TAP1: variants seen among roughly 807,000 people sequenced by gnomAD.
The protein encoded by TAP1 is antigen peptide transporter 1.
Under a neutral mutation model 79.3 loss-of-function variants are expected in TAP1, and 56 were observed. That is an observed-to-expected ratio of 0.71 (90% CI 0.57 to 0.88). TAP1 has a LOEUF of 0.88. Among genes scored for constraint, TAP1 ranks in the 40% least tolerant of loss-of-function variants. The probability of loss-of-function intolerance (pLI) is 0.00; values close to 1 mark genes in which losing one functional copy is unlikely to be tolerated. For synonymous variants in TAP1, 355 were observed against 401.4 expected, an observed-to-expected ratio of 0.88 and a Z score of 1.38; for missense variants, 737 against 936.3, an observed-to-expected ratio of 0.79 and a Z score of 2.78.
At position 32,847,616 on chromosome 6, in the gene TAP1, G is replaced by A. The variant is rs1265805057; in HGVS notation, c.1800C>T (p.Ala600=). 6.2e-7 allele frequency: 1 copy of A among 1,613,942 alleles called. No individual in the cohort carries two copies. Among genetic ancestry groups the A allele is most frequent in the African/African-American group, 1.3e-5 (1 of 74,894 alleles). ...TAGTTGGCTTCTGGGTCAGGCCATAGGCAATATTTTCTTGAAGACTTCTTC... is the reference window on the plus strand; with the variant it reads ...TAGTTGGCTTCTGGGTCAGGCCATAAGCAATATTTTCTTGAAGACTTCTTC... ...VFGRSLQENI[A]YGLTQKPTME... is the part of the protein sequence containing the mutation. The change falls in exon 9 of 11, where the codon GCC becomes GCT. Residue 600 remains alanine (A), a synonymous_variant. Transcript: ENST00000354258. The surrounding 1 kb of genome is among the most constrained non-coding windows in gnomAD (Gnocchi z 4.7).
At chr6:32,849,217 C>A in intron 5 of TAP1, 99 bp from the exon 6 acceptor site, 2 of 1,473,800 alleles carry the variant, frequency 1.4e-6, no homozygotes, top group South Asian at 2.4e-5. Context: ...AAGTCCCTGT[C>A]TCCTAAGTGA....
chr6:32,846,947 T>G, intron 10 of TAP1, 121 bp downstream of exon 10: 1 of 1,483,996 alleles, frequency 6.7e-7, no homozygotes, highest in Non-Finnish European at 9.3e-7. Flanking sequence ...GGAACTGGAT[T>G]TGGGAACTGA....
chr6:32,846,935 A>G (rs1002664055), intron 10 of TAP1, 133 bp downstream of exon 10: 48 of 1,352,314 alleles, frequency 3.5e-5, no homozygotes, highest in South Asian at 1.5e-4. Context: ...GAGGCATCCA[A>G]TGGAACTGGA....
rs187790140 is a variant in TAP1 at position 32,848,558 on chromosome 6, T to C, written c.1566+94A>G. On this transcript the variant is annotated intron_variant, in intron 7 of 10. Coordinates refer to ENST00000354258, the MANE Select transcript of TAP1 (RefSeq NM_000593.6). ...CCTTTAAAGGGTTAGGGAGGATATA[T>C]GCTTGGCAGTAAGCAGGCTGAAGGC... 5,146 of 1,335,216 alleles carry C rather than the reference T, an allele frequency of 3.9e-3. 23 individuals carry two copies. The highest frequency in any genetic ancestry group is 0.019 in the Middle Eastern group (76 of 3,982). The allele number at this position is 1,335,216 out of a possible 1,614,324, so 82.7% of individuals were successfully genotyped here. A position where few individuals can be genotyped will look rare whatever the true frequency, so the allele number is the denominator to read the frequency against.
At position 32,845,875 on chromosome 6, in the gene TAP1, G is replaced by C; in HGVS notation, c.2041-90C>G. The C allele has an allele frequency of 9.1e-7, 1 of 1,095,908 alleles. No individual in the cohort carries two copies. The highest frequency in any genetic ancestry group is 1.3e-6 in the Non-Finnish European group (1 of 742,054). The allele number at this position is 1,095,908 out of a possible 1,614,324, so 67.9% of individuals were successfully genotyped here. On this transcript the variant is annotated intron_variant, in intron 10 of 10. Coordinates refer to ENST00000354258, the MANE Select transcript of TAP1 (RefSeq NM_000593.6). This position sits in a 1 kb window ranked among gnomAD's most constrained non-coding sequence, Gnocchi z 4.5. ...TCCAGGGCTGGGACTGACCTCACAG[G>C]ATCACTGCTGGCTCTGCTAACAACC...
At position 32,852,731 on chromosome 6, in the gene TAP1, T is replaced by C. The variant is rs777921302; in HGVS notation, c.599-229A>G. On this transcript the variant is annotated intron_variant, in intron 1 of 10. Transcript: ENST00000354258. The surrounding 1 kb of genome is among the most constrained non-coding windows in gnomAD (Gnocchi z 4.8). ...ATTTTATTAGGAAGGCTGGAGATCA[T>C]GAAGTAGAAAAGCCTCCTGTTAGAG... 8 of 1,451,310 alleles carry C rather than the reference T, an allele frequency of 5.5e-6. No individual in the cohort carries two copies. Among genetic ancestry groups the C allele is most frequent in the Non-Finnish European group, 7.2e-6 (8 of 1,109,360 alleles). 89.9% of individuals were successfully genotyped at this position (1,451,310 alleles called of 1,614,324 possible). A position where few individuals can be genotyped will look rare whatever the true frequency, so the allele number is the denominator to read the frequency against.
At position 32,846,011 on chromosome 6, in the gene TAP1, G is replaced by A. The variant is rs190184178; in HGVS notation, c.2041-226C>T. ...AGTAGGATAAAAATGAGAACCCTAGGGTGAAACACGTGACAGAAGAATAAA... is the reference window on the plus strand; with the variant it reads ...AGTAGGATAAAAATGAGAACCCTAGAGTGAAACACGTGACAGAAGAATAAA... On this transcript the variant is annotated intron_variant, in intron 10 of 10. Coordinates refer to ENST00000354258, the MANE Select transcript of TAP1 (RefSeq NM_000593.6). The A allele has an allele frequency of 4.5e-3, 2,697 of 596,214 alleles. 12 individuals are homozygous for A. The highest frequency in any genetic ancestry group is 6.4e-3 in the South Asian group (324 of 50,370). The allele number at this position is 596,214 out of a possible 1,614,324, so 36.9% of individuals were successfully genotyped here.
At position 32,850,446 on chromosome 6, in the gene TAP1, C is replaced by A. The variant is rs763692806; in HGVS notation, c.1122G>T (p.Met374Ile). ...CGTTGGCAAAGCTTCGAACTGTAGGCATGGCCGACAGAGCCTCAATGGCCA... is the reference window on the plus strand; with the variant it reads ...CGTTGGCAAAGCTTCGAACTGTAGGAATGGCCGACAGAGCCTCAATGGCCA... ...SQVAIEALSA[M>I]PTVRSFANEE... is the part of the protein sequence containing the mutation. The change falls in exon 5 of 11, where the codon ATG (methionine) becomes ATT (isoleucine). Residue 374 changes from methionine (M) to isoleucine (I), a missense_variant. Met to Ile is a conservative substitution (Grantham distance 10, BLOSUM62 1). This residue lies in a region of TAP1 where 406 missense variants were observed against 477.2 expected (regional missense o/e 0.85). Transcript: ENST00000354258. The surrounding 1 kb of genome is among the most constrained non-coding windows in gnomAD (Gnocchi z 5.5). 4 of 1,614,242 alleles carry A rather than the reference C, an allele frequency of 2.5e-6. No individual in the cohort carries two copies. The highest frequency in any genetic ancestry group is 8.5e-7 in the Non-Finnish European group (1 of 1,180,038).
rs981748969 is a variant in TAP1, at chr6:32,845,653, T to A, written c.2173A>T (p.Thr725Ser). 3 of 1,613,012 alleles carry A rather than the reference T, an allele frequency of 1.9e-6. No individual in the cohort carries two copies. Among genetic ancestry groups the A allele is most frequent in the East Asian group, 2.2e-5 (1 of 44,882 alleles). ...LEGGAIREGGTHQQLMEKKGC... is the reference protein window; with the variant it reads ...LEGGAIREGGSHQQLMEKKGC... ...TTTTTCTCCATGAGCTGCTGGTGGGTTCCCCCCTCCCGGATAGCGCCTCCT... is the reference window on the plus strand; with the variant it reads ...TTTTTCTCCATGAGCTGCTGGTGGGATCCCCCCTCCCGGATAGCGCCTCCT... Residue 725 changes from threonine (T) to serine (S), a missense_variant, in exon 11 of 11, where the codon ACC (threonine) becomes TCC (serine). Around this residue, in one of 5 missense-constraint regions of TAP1, gnomAD observed 266 missense variants for 332.4 expected, o/e 0.80. Transcript: ENST00000354258. The surrounding 1 kb of genome is among the most constrained non-coding windows in gnomAD (Gnocchi z 4.5).
Position 32,847,004 on chromosome 6 carries a change from CAGA to C in TAP1, c.2040+61_2040+63del, listed in dbSNP as rs1770462549. ...ATAATTATGATGTTAGTAAAACTAA[CAGA>C]AGATGTATAAAAGAAGCAAGATTGG... On this transcript the variant is annotated intron_variant, in intron 10 of 10. Coordinates refer to ENST00000354258, the MANE Select transcript of TAP1 (RefSeq NM_000593.6). The surrounding 1 kb of genome is among the most constrained non-coding windows in gnomAD (Gnocchi z 4.7). 2 of 1,601,554 alleles carry C rather than the reference CAGA, an allele frequency of 1.2e-6. No individual in the cohort carries two copies. Among genetic ancestry groups the C allele is most frequent in the African/African-American group, 2.7e-5 (2 of 74,838 alleles).
chr6:32,846,212 C>T (rs533075114), intron 10 of TAP1: 27 of 226,152 alleles, frequency 1.2e-4, no homozygotes, highest in African/African-American at 5.8e-4. Flanking sequence ...TATTCAACCT[C>T]TTTTAACCTC....
At position 32,853,368 on chromosome 6, in the gene TAP1, T is replaced by C; in HGVS notation, c.269A>G (p.Gln90Arg). The stretch of plus-strand genomic sequence containing the variant: ...TGGCTTCAAAGCAGCCAGCCAGCCC[T>C]GGGCACCTGCGTTTTCGCTCTTGGA... ...VGSKSENAGA[Q>R]GWLAALKPLA... Residue 90 changes from glutamine (Q) to arginine (R), a missense_variant, in exon 1 of 11, where the codon CAG (glutamine) becomes CGG (arginine). Physicochemically the swap from Gln to Arg is conservative, Grantham distance 43 (BLOSUM62 1). Transcript: ENST00000354258. The surrounding 1 kb of genome is among the most constrained non-coding windows in gnomAD (Gnocchi z 8.3). The C allele has an allele frequency of 6.3e-7, 1 of 1,597,896 alleles. No individual in the cohort carries two copies. The highest frequency in any genetic ancestry group is 1.7e-4 in the Middle Eastern group (1 of 6,036).
chr6:32,846,962 T>C, intron 10 of TAP1, 106 bp downstream of exon 10: 3 of 1,560,204 alleles, frequency 1.9e-6, no homozygotes, highest in Non-Finnish European at 2.6e-6. Context: ...AACTGAGAAC[T>C]GCAAGGACTG....
chr6:32,846,176 G>T, intron 10 of TAP1: 1 of 306,316 alleles, frequency 3.3e-6, no homozygotes, highest in Non-Finnish European at 6.3e-6. Context: ...CCACTCAAAA[G>T]CTATATGACC....
Position 32,845,686 on chromosome 6 carries a change from A to G in TAP1, c.2140T>C (p.Phe714Leu), listed in dbSNP as rs1272906792. ...TCCCGGATAGCGCCTCCTTCCAGAA[A>G]GAGGATGTGGTCAGCCTGCTCCACC... ...SLVEQADHILFLEGGAIREGG... is the reference protein window; with the variant it reads ...SLVEQADHILLLEGGAIREGG... The change falls in exon 11 of 11, where the codon TTT (phenylalanine) becomes CTT (leucine). Residue 714 changes from phenylalanine to leucine, a missense_variant. Around this residue, in one of 5 missense-constraint regions of TAP1, gnomAD observed 266 missense variants for 332.4 expected, o/e 0.80. Coordinates refer to ENST00000354258, the MANE Select transcript of TAP1 (RefSeq NM_000593.6). This position sits in a 1 kb window ranked among gnomAD's most constrained non-coding sequence, Gnocchi z 4.5. 6.8e-6 allele frequency: 11 copies of G among 1,612,876 alleles called. No individual in the cohort carries two copies. The Admixed American group carries it at 1.5e-4, about 22-fold the overall frequency.
At position 32,850,027 on chromosome 6, in the gene TAP1, A is replaced by G; in HGVS notation, c.1248+293T>C. 1 of 530,060 alleles carries G rather than the reference A, an allele frequency of 1.9e-6. No individual in the cohort carries two copies. The highest frequency in any genetic ancestry group is 3.4e-6 in the Non-Finnish European group (1 of 293,530). 32.8% of individuals were successfully genotyped at this position (530,060 alleles called of 1,614,324 possible). A position where few individuals can be genotyped will look rare whatever the true frequency, so the allele number is the denominator to read the frequency against. ...GGTGCAAGAATTTATGGCGCCCTGCACTTCCCCTGAGAGGCAAAGGAAGGC... is the reference window on the plus strand; with the variant it reads ...GGTGCAAGAATTTATGGCGCCCTGCGCTTCCCCTGAGAGGCAAAGGAAGGC... On this transcript the variant is annotated intron_variant, in intron 5 of 10. Coordinates refer to ENST00000354258, the MANE Select transcript of TAP1 (RefSeq NM_000593.6). This position sits in a 1 kb window ranked among gnomAD's most constrained non-coding sequence, Gnocchi z 5.5.
At position 32,852,424 on chromosome 6, in the gene TAP1, C is replaced by A; in HGVS notation, c.677G>T (p.Arg226Leu). Residue 226 changes from arginine (R) to leucine (L), a missense_variant, in exon 2 of 11, where the codon CGA becomes CTA. Arg to Leu is a moderately radical substitution (Grantham distance 102). Transcript: ENST00000354258. The surrounding 1 kb of genome is among the most constrained non-coding windows in gnomAD (Gnocchi z 4.8). ...GAGAATGGACATGAGAGTTAAGTTT[C>A]GAGTGAAGGTATCGGCTGAGCCATC... The part of the protein sequence containing the change: ...LQDGSADTFT[R>L]NLTLMSILTI... 6.2e-7 allele frequency: 1 copy of A among 1,613,026 alleles called. No homozygotes were observed. Among genetic ancestry groups the A allele is most frequent in the Admixed American group, 1.7e-5 (1 of 60,018 alleles).
In TAP1 at chr6:32,849,029, T is replaced by C. The variant is rs762045840; in HGVS notation, c.1338A>G (p.Thr446=). 31 of 1,608,764 alleles carry C rather than the reference T, an allele frequency of 1.9e-5. No individual in the cohort carries two copies. Among genetic ancestry groups the C allele is most frequent in the Non-Finnish European group, 2.3e-5 (27 of 1,178,314 alleles). ...SGAVSSGNLV[T]FVLYQMQFTQ... ...TGAACTGCATCTGGTAGAGAACAAA[T>C]GTGACAAGGTTCCCACTGCTTACAG... Residue 446 remains threonine, a synonymous_variant, in exon 6 of 11, where the codon ACA becomes ACG. Coordinates refer to ENST00000354258, the MANE Select transcript of TAP1 (RefSeq NM_000593.6).
rs1431510777 is a variant in TAP1 at position 32,853,298 on chromosome 6, G to C, written c.339C>G (p.Phe113Leu). ...GGGCTCCCCATGAGATCAGCTCTCG[G>C]AACAAGGCAAGTCCCGGCAGGGCCA... ...LGLALPGLAL[F>L]RELISWGAPG... The change falls in exon 1 of 11, where the codon TTC becomes TTG. Residue 113 changes from phenylalanine (F) to leucine (L), a missense_variant. Around this residue, in one of 5 missense-constraint regions of TAP1, gnomAD observed 406 missense variants for 477.2 expected, o/e 0.85. Coordinates refer to ENST00000354258, the MANE Select transcript of TAP1 (RefSeq NM_000593.6). This position sits in a 1 kb window ranked among gnomAD's most constrained non-coding sequence, Gnocchi z 8.3. The C allele has an allele frequency of 6.3e-7, 1 of 1,581,952 alleles. No homozygotes were observed. Among genetic ancestry groups the C allele is most frequent in the African/African-American group, 1.3e-5 (1 of 74,498 alleles).
Sources: gnomAD v4.1 joint callset for allele counts on GRCh38, gnomAD v4.1.1 for gene constraint, gnomAD v4.1.1 regional missense constraint, Gnocchi (gnomAD v3.1) non-coding constraint, MANE v1.5 for transcripts, NCBI Gene and HGNC (gene_info 2026-07-23, HGNC 2026-07-21) for gene names.